RANBP2: variants seen among roughly 807,000 people sequenced by gnomAD.
RANBP2 encodes E3 SUMO-protein ligase RanBP2.
In RANBP2, 57 loss-of-function variants were observed where a neutral mutation model predicts 303.6. The observed-to-expected ratio is 0.19, with a 90% CI of 0.15 to 0.23. RANBP2 has a LOEUF of 0.23. Ranked by LOEUF, RANBP2 falls within the 10% of genes least tolerant of loss-of-function variation. The probability of loss-of-function intolerance (pLI) is 1.00; values close to 1 mark genes in which losing one functional copy is unlikely to be tolerated. For missense variants in RANBP2, 3,138 were observed against 3,780.8 expected, an observed-to-expected ratio of 0.83 and a Z score of 4.46; for synonymous variants, 1,167 against 1,301.5, an observed-to-expected ratio of 0.90 and a Z score of 2.23.
chr2:109,708,259 G>A, the RANBP2 span, among the ~76,000 whole-genome samples: 1 of 150,978 alleles, frequency 6.6e-6, no homozygotes, highest in Non-Finnish European at 1.5e-5. Flanking sequence ...GGTGGCACAC[G>A]CCTGTAGTCC....
chr2:109,145,997 C>A, the RANBP2 span, among the ~76,000 whole-genome samples: 1 of 149,860 alleles, frequency 6.7e-6, no homozygotes, highest in Non-Finnish European at 1.5e-5. Flanking sequence ...GCAGTGTGAC[C>A]TCCCGGCCGC....
the RANBP2 span, among the ~76,000 whole-genome samples, chr2:109,252,871 GGTATT>G: frequency 3.3e-5 from 5 of 152,084 alleles, no homozygotes; most frequent in Non-Finnish European, 7.3e-5. Flanking sequence ...GTACAGTTTG[GGTATT>G]GTATTGTACC....
chr2:109,271,772 C>A, the RANBP2 span, among the ~76,000 whole-genome samples: 1 of 152,216 alleles, frequency 6.6e-6, no homozygotes, highest in Non-Finnish European at 1.5e-5. Flanking sequence ...TTTGTGGTAT[C>A]AGTATTGAGG....
the RANBP2 span, among the ~76,000 whole-genome samples, chr2:108,939,693 C>T: frequency 1.3e-5 from 2 of 152,206 alleles, no homozygotes; most frequent in African/African-American, 4.8e-5. Context: ...GAGTTATTTG[C>T]TTAACTGCAT....
chr2:109,357,591 G>A, the RANBP2 span, among the ~76,000 whole-genome samples: 1 of 152,194 alleles, frequency 6.6e-6, no homozygotes, highest in East Asian at 1.9e-4. Context: ...CAGATGAGTT[G>A]TGTTTGCTCT....
the RANBP2 span, among the ~76,000 whole-genome samples, chr2:109,086,212 T>A: frequency 5.9e-5 from 9 of 152,136 alleles, no homozygotes; most frequent in African/African-American, 2.2e-4. Context: ...CCTCTGGCTG[T>A]TGTCAACAGT....
the RANBP2 span, among the ~76,000 whole-genome samples, chr2:109,108,028 C>G: frequency 6.6e-6 from 1 of 152,358 alleles, no homozygotes; most frequent in East Asian, 1.9e-4. Context: ...GCCTCAGCCT[C>G]CTGAGTAGCT....
the RANBP2 span, among the ~76,000 whole-genome samples, chr2:108,815,486 A>C: frequency 2.4e-4 from 4 of 16,714 alleles, no homozygotes; most frequent in South Asian, 5.0e-3. Flanking sequence ...TTTTTTTTTG[A>C]GATGGAGTCT....
the RANBP2 span, among the ~76,000 whole-genome samples, chr2:109,067,413 G>C: frequency 6.6e-6 from 1 of 152,146 alleles, no homozygotes; most frequent in African/African-American, 2.4e-5. Flanking sequence ...CTGCTCTCTC[G>C]CAGCCCCGCC....
chr2:109,603,323 C>T, the RANBP2 span, among the ~76,000 whole-genome samples: 2 of 152,190 alleles, frequency 1.3e-5, no homozygotes, highest in African/African-American at 2.4e-5. Flanking sequence ...CAAGCCCCAC[C>T]TCCTGGGTTC....
At chr2:109,462,575 A>G in the RANBP2 span, among the ~76,000 whole-genome samples, 10 of 152,150 alleles carry the variant, frequency 6.6e-5, no homozygotes, top group Non-Finnish European at 4.4e-5. Flanking sequence ...TGGTGGCACT[A>G]ATCTCTGCAG....
the RANBP2 span, among the ~76,000 whole-genome samples, chr2:109,689,382 G>A: frequency 6.6e-6 from 1 of 152,038 alleles, no homozygotes. Flanking sequence ...CATTCCATAG[G>A]CCTCCTAGAT....
chr2:108,867,512 G>A, the RANBP2 span, among the ~76,000 whole-genome samples: 1 of 152,104 alleles, frequency 6.6e-6, no homozygotes, highest in African/African-American at 2.4e-5. Flanking sequence ...GAGTGTCTTT[G>A]TCCTTGGACT....
chr2:109,149,837 T>C, the RANBP2 span, among the ~76,000 whole-genome samples: 1 of 152,234 alleles, frequency 6.6e-6, no homozygotes, highest in African/African-American at 2.4e-5. Context: ...TTGGACTTAA[T>C]TAAGATTAAA....
At chr2:108,891,468 G>T in the RANBP2 span, among the ~76,000 whole-genome samples, 387 of 152,290 alleles carry the variant, frequency 2.5e-3, 5 homozygotes, top group African/African-American at 9.0e-3. Flanking sequence ...TTCCCCACTG[G>T]GTTAGGGTGA....
At chr2:109,614,297 C>CG in the RANBP2 span, 1 of 484,666 alleles carries the variant, frequency 2.1e-6, no homozygotes, top group African/African-American at 2.1e-5. Flanking sequence ...GGGCGCGGGG[C>CG]GGGGGTGCGG....
chr2:108,825,882 G>T, the RANBP2 span, among the ~76,000 whole-genome samples: 1 of 152,168 alleles, frequency 6.6e-6, no homozygotes, highest in Non-Finnish European at 1.5e-5. Flanking sequence ...AGTCCTGCCA[G>T]CAGTCTGCAG....
chr2:109,614,610 G>T, the RANBP2 span: 1 of 1,457,532 alleles, frequency 6.9e-7, no homozygotes, highest in East Asian at 3.0e-5. Context: ...CTTCAGGGGC[G>T]CCCTAGGCGG....
intron 6 of RANBP2, among the ~76,000 whole-genome samples, chr2:108,737,930 G>A (rs894820931): frequency 2.0e-5 from 3 of 151,816 alleles, no homozygotes; most frequent in Non-Finnish European, 4.4e-5. Flanking sequence ...TAGCCAGGAT[G>A]GTCTCGATCT....
Sources: gnomAD v4.1 joint callset for allele counts (sites outside exome capture counted in the v4.1 genomes callset) on GRCh38, gnomAD v4.1.1 for gene constraint, MANE v1.5 for transcripts, NCBI Gene and HGNC (gene_info 2026-07-23, HGNC 2026-07-21) for gene names.